SEC31B: variants seen among roughly 807,000 people sequenced by gnomAD.
The protein encoded by SEC31B is SEC31 homolog B, COPII component.
In SEC31B, 113 loss-of-function variants were observed where a neutral mutation model predicts 135.0. The observed-to-expected ratio is 0.84, with a 90% CI of 0.72 to 0.98. SEC31B has a LOEUF of 0.98. SEC31B is among the 50% of genes least tolerant of loss of function. The pLI is 0.00. For missense variants in SEC31B, 1,296 were observed against 1,421.1 expected (o/e 0.91, Z 1.42); for synonymous variants, 508 against 549.4 (o/e 0.92, Z 1.05).
chr10:100,502,497 A>C lies in SEC31B; in HGVS notation c.1180-13T>G, dbSNP rs761181035. 2 of 1,589,342 alleles carry C rather than the reference A, an allele frequency of 1.3e-6. No individual in the cohort carries two copies. Among genetic ancestry groups the C allele is most frequent in the Non-Finnish European group, 1.7e-6 (2 of 1,160,238 alleles). On this transcript the variant is annotated splice_polypyrimidine_tract_variant and intron_variant, in intron 10 of 25. Coordinates refer to ENST00000370345, the MANE Select transcript of SEC31B (RefSeq NM_015490.4). Reference sequence around the variant, plus strand: ...GCTTCCCTCCAAACTGGTGAGGAAAAGCAAGAAGGGTAAAGGTTATACCTT... The same window carrying C: ...GCTTCCCTCCAAACTGGTGAGGAAACGCAAGAAGGGTAAAGGTTATACCTT...
At position 100,516,907 on chromosome 10, in the gene SEC31B, G is replaced by C; in HGVS notation, c.46C>G (p.Pro16Ala). ...LERPAVQAWS[P>A]ASQYPLYLAT... ...AGATACAAAGGGTATTGGCTGGCTG[G>C]GCTCCATGCCTGGACAGCTGGCCGC... Residue 16 changes from proline (P) to alanine (A), a missense_variant, in exon 2 of 26, where the codon CCA (proline) becomes GCA (alanine). Physicochemically the swap from Pro to Ala is conservative, Grantham distance 27. Coordinates refer to ENST00000370345, the MANE Select transcript of SEC31B (RefSeq NM_015490.4). 1 of 1,614,050 alleles carries C rather than the reference G, an allele frequency of 6.2e-7. No individual in the cohort carries two copies. Among genetic ancestry groups the C allele is most frequent in the Non-Finnish European group, 8.5e-7 (1 of 1,179,996 alleles).
intron 19 of SEC31B, chr10:100,495,142 T>C (rs1213902889): frequency 3.9e-5 from 18 of 465,254 alleles, no homozygotes; most frequent in East Asian, 2.2e-4. Context: ...AGCTATTTTT[T>C]ACATATCTAT....
rs776773114 is a variant in SEC31B at position 100,495,462 on chromosome 10, G to A, written c.2395C>T (p.Pro799Ser). 3 of 1,614,016 alleles carry A rather than the reference G, an allele frequency of 1.9e-6. No homozygotes were observed. Among genetic ancestry groups the A allele is most frequent in the Non-Finnish European group, 2.5e-6 (3 of 1,179,934 alleles). ...AGGGTAGCTCCCACAACAATCCGGG[G>A]GAAGGGGAAAGGGGGAGACTGTTGG... ...LGQQSPPFPF[P>S]RIVVGATLHS... The change falls in exon 19 of 26, where the codon CCC becomes TCC. Residue 799 changes from proline (P) to serine (S), a missense_variant. By Grantham distance (74) the Pro-to-Ser change is moderately conservative (BLOSUM62 -1). Coordinates refer to ENST00000370345, the MANE Select transcript of SEC31B (RefSeq NM_015490.4).
intron 16 of SEC31B, 183 bp downstream of exon 16, chr10:100,497,484 T>A (rs1026890808): frequency 7.5e-5 from 111 of 1,475,976 alleles, no homozygotes; most frequent in Non-Finnish European, 9.0e-5. Context: ...CAACAAAGGA[T>A]CCCCTCTGAA....
intron 11 of SEC31B, among the ~76,000 whole-genome samples, chr10:100,502,024 C>T (rs958732588): frequency 2.1e-4 from 32 of 152,228 alleles, no homozygotes; most frequent in African/African-American, 7.0e-4. Flanking sequence ...GAAAACATCT[C>T]GTGTATTCCC....
chr10:100,487,591 C>G lies in SEC31B; in HGVS notation c.*25G>C, dbSNP rs1851203713. The G allele has an allele frequency of 6.2e-7, 1 of 1,602,300 alleles. No homozygotes were observed. Among genetic ancestry groups the G allele is most frequent in the Admixed American group, 1.7e-5 (1 of 59,058 alleles). The stretch of plus-strand genomic sequence containing the variant: ...GGAGTTATGTAACAGCAGAAGTGGC[C>G]TCCTAGCAAGAGAGGCTGCCTGGTT... On this transcript the variant is annotated 3_prime_UTR_variant, in exon 26 of 26. Transcript: ENST00000370345.
intron 10 of SEC31B, among the ~76,000 whole-genome samples, chr10:100,503,514 A>AC (rs971240169): frequency 6.6e-6 from 1 of 151,326 alleles, no homozygotes; most frequent in Non-Finnish European, 1.5e-5. Flanking sequence ...GCTCACCGTA[A>AC]CCTCCGCCTC....
At chr10:100,494,825 A>ATTT (rs200276653) in intron 19 of SEC31B, 5 of 127,168 alleles carry the variant, frequency 3.9e-5, no homozygotes, top group Non-Finnish European at 4.9e-5. Flanking sequence ...TACTGTAGCT[A>ATTT]TTTTTTTTTT....
chr10:100,494,505 G>C (rs371190363), intron 19 of SEC31B, among the ~76,000 whole-genome samples: 54 of 152,186 alleles, frequency 3.5e-4, no homozygotes, highest in African/African-American at 1.3e-3. Context: ...TGTTGTTCCA[G>C]CTTCATCTAA....
In SEC31B at chr10:100,495,484, T is replaced by C. The variant is rs1851390517; in HGVS notation, c.2373A>G (p.Gln791=). The change falls in exon 19 of 26, where the codon CAA becomes CAG. Residue 791 remains glutamine, a synonymous_variant. Coordinates refer to ENST00000370345, the MANE Select transcript of SEC31B (RefSeq NM_015490.4). ...GGGGGAAGGGGAAAGGGGGAGACTGTTGGCCCAAGACAGCAGAACCTTGAG... is the reference window on the plus strand; with the variant it reads ...GGGGGAAGGGGAAAGGGGGAGACTGCTGGCCCAAGACAGCAGAACCTTGAG... The part of the protein sequence containing the change: ...FHAQGSAVLG[Q]QSPPFPFPRI... 1.2e-6 allele frequency: 2 copies of C among 1,613,824 alleles called. No individual in the cohort carries two copies. The highest frequency in any genetic ancestry group is 1.7e-6 in the Non-Finnish European group (2 of 1,179,916).
At chr10:100,517,207 G>A (rs2133701470) in intron 1 of SEC31B, among the ~76,000 whole-genome samples, 1 of 152,246 alleles carries the variant, frequency 6.6e-6, no homozygotes, top group African/African-American at 2.4e-5. Context: ...AACCACAATG[G>A]CTACCACAGG....
intron 2 of SEC31B, among the ~76,000 whole-genome samples, chr10:100,516,606 G>A (rs1476380509): frequency 1.5e-5 from 2 of 134,970 alleles, no homozygotes; most frequent in Non-Finnish European, 3.0e-5. Flanking sequence ...CCAAGATCGC[G>A]CCACTGCACT....
In SEC31B at chr10:100,490,028, C is replaced by A; in HGVS notation, c.2945G>T (p.Gly982Val). ...APCSSVLPTTGILTPHPGPQD... is the reference protein window; with the variant it reads ...APCSSVLPTTVILTPHPGPQD... The stretch of plus-strand genomic sequence containing the variant: ...CTGACCTGGGTGAGGAGTCAAGATG[C>A]CAGTGGTTGGGAGGACACTAGAGCA... Residue 982 changes from glycine to valine, a missense_variant, in exon 21 of 26, where the codon GGC (glycine) becomes GTC (valine). Coordinates refer to ENST00000370345, the MANE Select transcript of SEC31B (RefSeq NM_015490.4). 6.5e-7 allele frequency: 1 copy of A among 1,546,030 alleles called. No individual in the cohort carries two copies. Among genetic ancestry groups the A allele is most frequent in the Non-Finnish European group, 8.7e-7 (1 of 1,151,776 alleles).
intron 5 of SEC31B, 76 bp downstream of exon 5, chr10:100,508,931 G>T: frequency 8.7e-7 from 1 of 1,150,234 alleles, no homozygotes; most frequent in Non-Finnish European, 1.3e-6. Context: ...AGCTCTGATT[G>T]GCTCCAGAAC....
At chr10:100,505,198 T>C (rs1041360682) in intron 10 of SEC31B, among the ~76,000 whole-genome samples, 163 bp downstream of exon 10, 15 of 152,044 alleles carry the variant, frequency 9.9e-5, no homozygotes, top group Non-Finnish European at 1.9e-4. Context: ...ATAGTAACTC[T>C]CTCCTTGAGA....
intron 3 of SEC31B, 100 bp from the exon 4 acceptor site, chr10:100,509,611 C>T (rs1230807736): frequency 1.1e-6 from 1 of 942,040 alleles, no homozygotes; most frequent in African/African-American, 1.7e-5. Flanking sequence ...CAGGCAGCCC[C>T]ACCCCTAGCT....
At chr10:100,490,548 A>G in intron 20 of SEC31B, 158 bp downstream of exon 20, 1 of 898,852 alleles carries the variant, frequency 1.1e-6, no homozygotes, top group Non-Finnish European at 1.6e-6. Flanking sequence ...ATATTGCCAA[A>G]GGTACGAAGC....
In SEC31B at chr10:100,499,239, C is replaced by G. The variant is rs749488171; in HGVS notation, c.1505G>C (p.Ser502Thr). Residue 502 changes from serine (S) to threonine (T), a missense_variant, in exon 13 of 26, where the codon AGT becomes ACT. Physicochemically the swap from Ser to Thr is moderately conservative, Grantham distance 58 (BLOSUM62 1). Transcript: ENST00000370345. ...LQKKVATWLK[S>T]DVGLGESPQP... ...AGGACTCTCACCTAGCCCCACGTCA[C>G]TCTTCAACCATGTGGCCACCTGCAG... The G allele has an allele frequency of 6.2e-7, 1 of 1,613,068 alleles. No homozygotes were observed. Among genetic ancestry groups the G allele is most frequent in the Non-Finnish European group, 8.5e-7 (1 of 1,179,656 alleles).
At chr10:100,507,077 T>C (rs1301975902) in intron 7 of SEC31B, among the ~76,000 whole-genome samples, 1 of 152,154 alleles carries the variant, frequency 6.6e-6, no homozygotes, top group Non-Finnish European at 1.5e-5. Flanking sequence ...GTCAAGTTGT[T>C]TTTATGAAGA....
Sources: allele counts gnomAD v4.1 joint callset (sites outside exome capture counted in the v4.1 genomes callset), GRCh38; gene constraint gnomAD v4.1.1; transcripts MANE v1.5; gene names NCBI Gene and HGNC (gene_info 2026-07-23, HGNC 2026-07-21).